CCDC92B: variants seen among roughly 807,000 people sequenced by gnomAD.
CCDC92B encodes coiled-coil domain-containing 92B.
CCDC92B carries 2 observed loss-of-function variants against 5.6 expected under a neutral mutation model. The observed-to-expected ratio is 0.36, with a 90% CI of 0.15 to 1.12. CCDC92B has a LOEUF of 1.12. Among genes scored for constraint, CCDC92B ranks in the 50% most tolerant of loss-of-function variants. The pLI, the probability that CCDC92B is intolerant of heterozygous loss-of-function variation, is 0.40. For missense variants in CCDC92B, 271 were observed against 262.2 expected (o/e 1.03, Z -0.23); for synonymous variants, 115 against 122.3 (o/e 0.94, Z 0.39).
chr17:2,726,957 C>G (rs2070738101), intron 3 of CCDC92B, among the ~76,000 whole-genome samples: 1 of 147,982 alleles, frequency 6.8e-6, no homozygotes, highest in Non-Finnish European at 1.5e-5. Flanking sequence ...TCTTGCCAGG[C>G]TGGAGTGCAG....
At chr17:2,740,615 A>G (rs773375887) in intron 1 of CCDC92B, among the ~76,000 whole-genome samples, 2 of 151,970 alleles carry the variant, frequency 1.3e-5, no homozygotes, top group Admixed American at 6.6e-5. Context: ...GTGAGCCGAC[A>G]TCGTGCTACT....
intron 3 of CCDC92B, among the ~76,000 whole-genome samples, chr17:2,728,552 G>A (rs575945518): frequency 9.7e-4 from 146 of 150,728 alleles, no homozygotes; most frequent in African/African-American, 3.3e-3. Flanking sequence ...GCAGTGAGCC[G>A]AGACCGCACC....
intron 1 of CCDC92B, chr17:2,747,975 G>A (rs2071006920): frequency 8.2e-6 from 3 of 363,650 alleles, no homozygotes; most frequent in Admixed American, 3.8e-5. Flanking sequence ...CCACTTTATC[G>A]ATGAGGAGAC....
intron 1 of CCDC92B, among the ~76,000 whole-genome samples, chr17:2,743,651 CT>C (rs1335413639): frequency 3.9e-5 from 6 of 152,172 alleles, no homozygotes; most frequent in African/African-American, 1.4e-4. Flanking sequence ...GCCTCGGGGA[CT>C]TTGTACATGC....
At chr17:2,731,765 G>T (rs1048081769) in intron 2 of CCDC92B, among the ~76,000 whole-genome samples, 1 of 152,228 alleles carries the variant, frequency 6.6e-6, no homozygotes, top group African/African-American at 2.4e-5. Context: ...GGCTTCCTGG[G>T]ACCAACTGGC....
At chr17:2,748,042 T>C (rs753969222) in intron 1 of CCDC92B, 5 of 491,286 alleles carry the variant, frequency 1.0e-5, no homozygotes, top group Non-Finnish European at 2.0e-5. Context: ...GCCTGGCAAC[T>C]AGAAGCACCC....
intron 3 of CCDC92B, among the ~76,000 whole-genome samples, chr17:2,727,972 C>T (rs2070752248): frequency 6.6e-6 from 1 of 152,068 alleles, no homozygotes; most frequent in South Asian, 2.1e-4. Flanking sequence ...TCTGCTACTG[C>T]ACACTACAGC....
intron 1 of CCDC92B, among the ~76,000 whole-genome samples, chr17:2,745,467 G>C (rs368172693): frequency 6.6e-6 from 1 of 152,294 alleles, no homozygotes. Context: ...AACGACTTGA[G>C]TATTTGCTTC....
rs947296509 is a variant in CCDC92B, at chr17:2,749,490, G to C, written c.-103C>G. Reference sequence around the variant, plus strand: ...GTGGGGGCGGCGCTCTTCCCCCCACGCTAGCTGCGCCCGGGGATCTGCAGC... The same window carrying C: ...GTGGGGGCGGCGCTCTTCCCCCCACCCTAGCTGCGCCCGGGGATCTGCAGC... On this transcript the variant is annotated 5_prime_UTR_variant, in exon 1 of 4. Transcript: ENST00000614400. 6.6e-5 allele frequency: 10 copies of C among 150,972 alleles called. No individual in the cohort carries two copies. The highest frequency in any genetic ancestry group is 2.2e-4 in the African/African-American group (9 of 41,114). 9.4% of individuals were successfully genotyped at this position (150,972 alleles called of 1,614,324 possible). A position where few individuals can be genotyped will look rare whatever the true frequency, so the allele number is the denominator to read the frequency against.
intron 3 of CCDC92B, among the ~76,000 whole-genome samples, chr17:2,726,372 CAG>C (rs2070730603): frequency 6.7e-6 from 1 of 150,354 alleles, no homozygotes; most frequent in Non-Finnish European, 1.5e-5. Context: ...TTAGTAGAGA[CAG>C]GGTTTCACCA....
intron 1 of CCDC92B, chr17:2,748,127 G>C (rs770516245): frequency 7.5e-6 from 4 of 531,138 alleles, no homozygotes; most frequent in East Asian, 5.5e-5. Context: ...CCTGCATTTA[G>C]CAGTCCACAT....
intron 1 of CCDC92B, chr17:2,748,582 C>T (rs1270587971): frequency 5.1e-6 from 5 of 985,060 alleles, no homozygotes; most frequent in Non-Finnish European, 6.0e-6. Flanking sequence ...AAGCCATACG[C>T]TTCCTGAGGG....
intron 2 of CCDC92B, 29 bp downstream of exon 2, chr17:2,734,987 A>G (rs909312024): frequency 1.0e-6 from 1 of 984,986 alleles, no homozygotes; most frequent in Non-Finnish European, 1.2e-6. Flanking sequence ...ACCTCTCCCC[A>G]CCCGTCCAGC....
intron 1 of CCDC92B, among the ~76,000 whole-genome samples, chr17:2,742,239 T>C (rs757092201): frequency 1.6e-4 from 25 of 152,076 alleles, no homozygotes; most frequent in Non-Finnish European, 3.4e-4. Context: ...GCCCGGCTAA[T>C]TTTTCACTTT....
At chr17:2,737,619 CCA>C (rs1310521717) in intron 1 of CCDC92B, among the ~76,000 whole-genome samples, 325 of 151,118 alleles carry the variant, frequency 2.2e-3, no homozygotes, top group African/African-American at 7.6e-3. Flanking sequence ...CTACAGGCGC[CCA>C]CCACCACGCC....
chr17:2,733,743 G>GTTTTTTTTTTTTTTTTTTTTTTT (rs1567614345), intron 2 of CCDC92B, among the ~76,000 whole-genome samples: 3 of 81,562 alleles, frequency 3.7e-5, no homozygotes, highest in African/African-American at 1.6e-4. Flanking sequence ...AGGACCACTG[G>GTTTTTTTTTTTTTTTTTTTTTTT]CTTTTTTTTT....
In CCDC92B at chr17:2,744,168, G is replaced by A. The variant is rs1409986911; in HGVS notation, c.-24+5243C>T. On this transcript the variant is annotated intron_variant, in intron 1 of 3. Coordinates refer to ENST00000614400, the MANE Select transcript of CCDC92B (RefSeq NM_001355573.2). ...TGGGATTACAGGTGTGAGCCACGGC[G>A]CTGCACCCGGCCTAAATTTTTTTTT... Among the ~76,000 whole-genome samples the A allele has an allele frequency of 2.6e-5, 4 of 151,860 alleles. No individual in the cohort carries two copies. In the South Asian group the frequency reaches 6.2e-4, roughly 24 times the overall value.
chr17:2,731,094 C>G (rs976527515), intron 2 of CCDC92B, among the ~76,000 whole-genome samples: 1 of 152,188 alleles, frequency 6.6e-6, no homozygotes, highest in Non-Finnish European at 1.5e-5. Context: ...GTATTCCCCA[C>G]GGCAGGGAGA....
chr17:2,730,666 G>T (rs2070785022), intron 2 of CCDC92B, among the ~76,000 whole-genome samples, 173 bp from the exon 3 acceptor site: 1 of 152,026 alleles, frequency 6.6e-6, no homozygotes, highest in Non-Finnish European at 1.5e-5. Context: ...AACCCTGCAA[G>T]GGAAAGAGAT....
Sources: gnomAD v4.1 joint callset for allele counts (sites outside exome capture counted in the v4.1 genomes callset) on GRCh38, gnomAD v4.1.1 for gene constraint, MANE v1.5 for transcripts, NCBI Gene and HGNC (gene_info 2026-07-23, HGNC 2026-07-21) for gene names.